The following FUBP1 variants were observed in gnomAD, a reference collection of about 807,000 sequenced individuals.
FUBP1 encodes far upstream element binding protein 1.
In FUBP1, 16 loss-of-function variants were observed where a neutral mutation model predicts 94.9. The observed-to-expected ratio is 0.17, with a 90% CI of 0.11 to 0.26. The LOEUF is 0.26. Among genes scored for constraint, FUBP1 ranks in the 10% least tolerant of loss-of-function variants. The probability of loss-of-function intolerance (pLI) is 1.00; values close to 1 mark genes in which losing one functional copy is unlikely to be tolerated. For synonymous variants in FUBP1, 279 were observed against 254.9 expected (o/e 1.09, Z -0.90); for missense variants, 583 against 808.6 (o/e 0.72, Z 3.38).
intron 1 of FUBP1, among the ~76,000 whole-genome samples, chr1:77,974,424 G>A (rs1033434719): frequency 1.3e-5 from 2 of 152,126 alleles, no homozygotes; most frequent in East Asian, 1.9e-4. Flanking sequence ...GAGCCACCGC[G>A]CCCAGCCTAT....
chr1:77,967,585 C>A, intron 4 of FUBP1, 42 bp downstream of exon 4: 1 of 1,516,962 alleles, frequency 6.6e-7, no homozygotes, highest in Non-Finnish European at 9.1e-7. Flanking sequence ...TACAGCTCAA[C>A]CAAAACTTGC....
chr1:77,966,614 C>A, intron 7 of FUBP1, 80 bp downstream of exon 7: 1 of 773,022 alleles, frequency 1.3e-6, no homozygotes, highest in Admixed American at 2.1e-5. Context: ...TAAAATAAAG[C>A]AGTAACAAAG....
intron 1 of FUBP1, among the ~76,000 whole-genome samples, chr1:77,978,634 A>G (rs1469382156): frequency 6.6e-6 from 1 of 152,220 alleles, no homozygotes; most frequent in African/African-American, 2.4e-5. Flanking sequence ...AGTGCCGCAG[A>G]AGCGGGAGAA....
intron 16 of FUBP1, among the ~76,000 whole-genome samples, chr1:77,959,960 T>C (rs947861455): frequency 1.3e-5 from 2 of 152,228 alleles, no homozygotes; most frequent in Admixed American, 1.3e-4. Flanking sequence ...CATTCTACTG[T>C]ATCAACTCAT....
chr1:77,953,103 G>A (rs1277793756), intron 18 of FUBP1, among the ~76,000 whole-genome samples: 2 of 151,854 alleles, frequency 1.3e-5, no homozygotes, highest in Non-Finnish European at 2.9e-5. Context: ...ACCATTGCTT[G>A]GGGAGTAAGA....
chr1:77,947,074 CATT>C lies in FUBP1; in HGVS notation c.*1689_*1691del, dbSNP rs1185853984. ...AATGTGTTAAAATTGCTACATTGCTCATTATTTGCAAACTGAAATCCCCTTCTG... is the reference window on the plus strand; with the variant it reads ...AATGTGTTAAAATTGCTACATTGCTCATTTGCAAACTGAAATCCCCTTCTG... On this transcript the variant is annotated 3_prime_UTR_variant, in exon 20 of 20. Coordinates refer to ENST00000370768, the MANE Select transcript of FUBP1 (RefSeq NM_003902.5). 1 of 206,810 alleles carries C rather than the reference CATT, an allele frequency of 4.8e-6. No homozygotes were observed. The highest frequency in any genetic ancestry group is 5.9e-5 in the Admixed American group (1 of 17,058). The allele number at this position is 206,810 out of a possible 1,614,324, so 12.8% of individuals were successfully genotyped here. A position where few individuals can be genotyped will look rare whatever the true frequency, so the allele number is the denominator to read the frequency against.
At chr1:77,967,477 C>CT (rs1656723819) in intron 4 of FUBP1, 150 bp downstream of exon 4, 1 of 596,440 alleles carries the variant, frequency 1.7e-6, no homozygotes, top group African/African-American at 1.9e-5. Context: ...AAAATCATCA[C>CT]TTTATGGTAC....
chr1:77,964,126 G>T lies in FUBP1; in HGVS notation c.977C>A (p.Thr326Lys). 6.2e-7 allele frequency: 1 copy of T among 1,609,126 alleles called. No homozygotes were observed. Among genetic ancestry groups the T allele is most frequent in the Non-Finnish European group, 8.5e-7 (1 of 1,175,414 alleles). ...ATGTTGACATCGGTCTGGAGGTCCT[G>T]TTATTTGTGCTATCCTTTCGGGTGT... ...GTTPERIAQI[T>K]GPPDRCQHAA... is the part of the protein sequence containing the mutation. Residue 326 changes from threonine to lysine, a missense_variant, in exon 12 of 20, where the codon ACA becomes AAA. Thr to Lys is a moderately conservative substitution (Grantham distance 78). Transcript: ENST00000370768.
At chr1:77,955,453 CTAT>C in intron 17 of FUBP1, 124 bp from the exon 18 acceptor site, 1 of 645,602 alleles carries the variant, frequency 1.5e-6, no homozygotes, top group Non-Finnish European at 2.8e-6. Context: ...GAGGGAAGTA[CTAT>C]GTGGTGGTGG....
At position 77,956,236 on chromosome 1, in the gene FUBP1, T is replaced by C. The variant is rs1019976411; in HGVS notation, c.1705+336A>G. ...ACAGTTTAGTCTTCAGTGATTTCTTTCAGAACTAATTATGCTGGATATAAT... is the reference window on the plus strand; with the variant it reads ...ACAGTTTAGTCTTCAGTGATTTCTTCCAGAACTAATTATGCTGGATATAAT... On this transcript the variant is annotated intron_variant, in intron 17 of 19. Coordinates refer to ENST00000370768, the MANE Select transcript of FUBP1 (RefSeq NM_003902.5). Among the ~76,000 whole-genome samples the C allele has an allele frequency of 2.6e-5, 4 of 152,184 alleles. No homozygotes were observed. In the East Asian group the frequency reaches 7.7e-4, roughly 29 times the overall value.
chr1:77,956,760 C>A (rs1654537210), intron 16 of FUBP1, 60 bp from the exon 17 acceptor site: 1 of 1,312,544 alleles, frequency 7.6e-7, no homozygotes, highest in Non-Finnish European at 1.1e-6. Context: ...CTCACACACA[C>A]ACACACCACC....
intron 6 of FUBP1, 23 bp from the exon 7 acceptor site, chr1:77,966,774 A>T (rs1656577212): frequency 6.7e-7 from 1 of 1,494,074 alleles, no homozygotes; most frequent in South Asian, 1.1e-5. Context: ...ACAAACAGAT[A>T]ACTTCAGGTC....
In FUBP1 at chr1:77,961,352, C is replaced by A. The variant is rs979117961; in HGVS notation, c.1345-857G>T. On this transcript the variant is annotated intron_variant, in intron 14 of 19. Transcript: ENST00000370768. ...ACTAAACTTCATGACCTTTAAAGTT[C>A]TTTTTATTAACTTGTCTCTTTAAAT... Among the ~76,000 whole-genome samples the A allele has an allele frequency of 2.2e-4, 33 of 152,286 alleles. 1 individual carries two copies. The highest frequency in any genetic ancestry group is 2.0e-3 in the Admixed American group (31 of 15,294).
At position 77,964,188 on chromosome 1, in the gene FUBP1, T is replaced by C. The variant is rs753321880; in HGVS notation, c.941-26A>G. On this transcript the variant is annotated intron_variant, in intron 11 of 19. Transcript: ENST00000370768. ...CTTCAAAACAAAGAAACAAAATTAA[T>C]TAAACAATAAATGTATGTCAAAACT... The C allele has an allele frequency of 3.8e-6, 6 of 1,561,128 alleles. No individual in the cohort carries two copies. The African/African-American group carries it at 4.1e-5, about 11-fold the overall frequency.
chr1:77,946,801 C>G lies in FUBP1; in HGVS notation c.*1965G>C, dbSNP rs749333758. Reference sequence around the variant, plus strand: ...GTCAATACCCTACTCTTAAAGATAACAAATAGCTAACTCCTTAACTATTAA... The same window carrying G: ...GTCAATACCCTACTCTTAAAGATAAGAAATAGCTAACTCCTTAACTATTAA... On this transcript the variant is annotated 3_prime_UTR_variant, in exon 20 of 20. Transcript: ENST00000370768. 4.9e-6 allele frequency: 1 copy of G among 205,104 alleles called. No individual in the cohort carries two copies. The highest frequency in any genetic ancestry group is 2.3e-5 in the African/African-American group (1 of 43,768). 12.7% of individuals were successfully genotyped at this position (205,104 alleles called of 1,614,324 possible).
In FUBP1 at chr1:77,966,963, G is replaced by GA. The variant is rs71590706; in HGVS notation, c.344-9dup. On this transcript the variant is annotated splice_polypyrimidine_tract_variant and intron_variant, in intron 5 of 19. Coordinates refer to ENST00000370768, the MANE Select transcript of FUBP1 (RefSeq NM_003902.5). ...CACCTCCTCTGCCAATTACTAGTTA[G>GA]AAAAAAAAAAATTTTTTTTTTGGTT... 5.2e-3 allele frequency: 7,539 copies of GA among 1,448,676 alleles called. No homozygotes were observed. Among genetic ancestry groups the GA allele is most frequent in the Non-Finnish European group, 6.1e-3 (6,444 of 1,056,588 alleles). 89.7% of individuals were successfully genotyped at this position (1,448,676 alleles called of 1,614,324 possible).
At chr1:77,955,399 G>C in intron 17 of FUBP1, 70 bp from the exon 18 acceptor site, 1 of 861,146 alleles carries the variant, frequency 1.2e-6, no homozygotes, top group Non-Finnish European at 2.0e-6. Flanking sequence ...CGTTTCCTTG[G>C]GTGCAGGAGC....
At chr1:77,951,912 G>A in intron 18 of FUBP1, among the ~76,000 whole-genome samples, 1 of 152,068 alleles carries the variant, frequency 6.6e-6, no homozygotes, top group Non-Finnish European at 1.5e-5. Context: ...TCAGGGTTCA[G>A]AGTCTACCAC....
At chr1:77,965,003 A>T (rs1557451574) in intron 8 of FUBP1, 35 bp from the exon 9 acceptor site, 1 of 1,591,404 alleles carries the variant, frequency 6.3e-7, no homozygotes, top group Non-Finnish European at 8.6e-7. Context: ...ATATTAACAA[A>T]AGGAAGTGGA....
Sources: gnomAD v4.1 joint callset for allele counts (sites outside exome capture counted in the v4.1 genomes callset) on GRCh38, gnomAD v4.1.1 for gene constraint, MANE v1.5 for transcripts, NCBI Gene and HGNC (gene_info 2026-07-23, HGNC 2026-07-21) for gene names.